GPR183: variants seen among roughly 807,000 people sequenced by gnomAD.
The protein encoded by GPR183 is G protein-coupled receptor 183, also known as EBV-induced G-protein coupled receptor 2.
In GPR183, 9 loss-of-function variants were observed where a neutral mutation model predicts 19.7. The ratio of observed to expected loss-of-function variants is 0.46; its 90% CI spans 0.28 to 0.80. The LOEUF (loss-of-function observed/expected upper bound fraction) is 0.80. GPR183 is among the 30% of genes least tolerant of loss of function. GPR183 has a pLI of 0.13. For missense variants in GPR183, 368 were observed against 446.7 expected (o/e 0.82, Z 1.59); for synonymous variants, 160 against 155.1 (o/e 1.03, Z -0.24).
chr13:99,299,821 G>A (rs1377257386), intron 1 of GPR183, among the ~76,000 whole-genome samples: 2 of 152,042 alleles, frequency 1.3e-5, no homozygotes, highest in Non-Finnish European at 2.9e-5. Context: ...TATCTACTTC[G>A]CAGGTGATAA....
intron 1 of GPR183, among the ~76,000 whole-genome samples, chr13:99,298,399 A>C (rs753730427): frequency 7.2e-5 from 11 of 152,208 alleles, no homozygotes; most frequent in Non-Finnish European, 8.8e-5. Context: ...TAAGGAACTC[A>C]TGGGTTAAAG....
chr13:99,307,004 C>T (rs1356332098), intron 1 of GPR183, among the ~76,000 whole-genome samples: 1 of 152,102 alleles, frequency 6.6e-6, no homozygotes, highest in African/African-American at 2.4e-5. Context: ...TTCCTTCATA[C>T]TAAGTTATCC....
chr13:99,294,912 A>G lies in GPR183; in HGVS notation c.*148T>C. 1.3e-6 allele frequency: 1 copy of G among 753,342 alleles called. No homozygotes were observed. The highest frequency in any genetic ancestry group is 2.0e-5 in the South Asian group (1 of 50,780). 46.7% of individuals were successfully genotyped at this position (753,342 alleles called of 1,614,324 possible). A position where few individuals can be genotyped will look rare whatever the true frequency, so the allele number is the denominator to read the frequency against. Reference sequence around the variant, plus strand: ...TGCTTTATGTTGTTCTCTTGGGCTTACTTCCGAGTTGGAGATGGGAAAGTG... The same window carrying G: ...TGCTTTATGTTGTTCTCTTGGGCTTGCTTCCGAGTTGGAGATGGGAAAGTG... On this transcript the variant is annotated 3_prime_UTR_variant, in exon 2 of 2. Coordinates refer to ENST00000376414, the MANE Select transcript of GPR183 (RefSeq NM_004951.5).
chr13:99,305,886 C>CATTTATTT lies in GPR183; in HGVS notation c.-19+1446_-19+1453dup, dbSNP rs10633287. On this transcript the variant is annotated intron_variant, in intron 1 of 1. Transcript: ENST00000376414. ...GTGTGATCATCCATAGACTCAGGGC[C>CATTTATTT]ATTTATTTATTTATTTATTTATCTA... Among the ~76,000 whole-genome samples, 1,104 of 151,624 alleles carry CATTTATTT rather than the reference C, an allele frequency of 7.3e-3. 18 individuals carry two copies. Among genetic ancestry groups the CATTTATTT allele is most frequent in the African/African-American group, 0.025 (1,033 of 41,280 alleles).
rs1378287357 is a variant in GPR183, at chr13:99,295,118, G to T, written c.1028C>A (p.Ser343Ter). The part of the protein sequence containing the change: ...SAVKSAPEEN[S>*]REMTETQMMI... Reference sequence around the variant, plus strand: ...CATCTGCGTTTCTGTCATTTCACGTGAATTTTCTTCAGGGGCTGACTTCAC... The same window carrying T: ...CATCTGCGTTTCTGTCATTTCACGTTAATTTTCTTCAGGGGCTGACTTCAC... Residue 343 changes from serine (S) to a stop codon, truncating the protein, a stop_gained, in exon 2 of 2, where the codon TCA becomes TAA. Transcript: ENST00000376414. LOFTEE classifies it high-confidence loss of function. The surrounding 1 kb of genome is among the most constrained non-coding windows in gnomAD (Gnocchi z 4.1). 1 of 1,614,054 alleles carries T rather than the reference G, an allele frequency of 6.2e-7. No individual in the cohort carries two copies. The highest frequency in any genetic ancestry group is 1.7e-5 in the Admixed American group (1 of 60,010).
chr13:99,296,880 C>CT (rs1362591814), intron 1 of GPR183, among the ~76,000 whole-genome samples: 3 of 152,180 alleles, frequency 2.0e-5, no homozygotes, highest in African/African-American at 4.8e-5. Context: ...TTTTAAAACT[C>CT]TATCAATCTG....
chr13:99,305,637 C>T (rs1001590367), intron 1 of GPR183, among the ~76,000 whole-genome samples: 1 of 152,158 alleles, frequency 6.6e-6, no homozygotes, highest in Non-Finnish European at 1.5e-5. Flanking sequence ...ATTCCATTAA[C>T]TGACTGGTCA....
intron 1 of GPR183, among the ~76,000 whole-genome samples, chr13:99,303,777 A>C (rs568226850): frequency 6.6e-6 from 1 of 152,202 alleles, no homozygotes; most frequent in African/African-American, 2.4e-5. Flanking sequence ...GATGGAAATT[A>C]GGGAGGAACA....
Position 99,294,970 on chromosome 13 carries a change from G to T in GPR183, c.*90C>A. ...AAAGAAATATAAAAGAATACTAATTGGAAGCTGAACAATTATTTTGCTTTA... is the reference window on the plus strand; with the variant it reads ...AAAGAAATATAAAAGAATACTAATTTGAAGCTGAACAATTATTTTGCTTTA... On this transcript the variant is annotated 3_prime_UTR_variant, in exon 2 of 2. Transcript: ENST00000376414. The T allele has an allele frequency of 7.1e-7, 1 of 1,402,918 alleles. No homozygotes were observed. Among genetic ancestry groups the T allele is most frequent in the Non-Finnish European group, 9.7e-7 (1 of 1,034,444 alleles). The allele number at this position is 1,402,918 out of a possible 1,614,324, so 86.9% of individuals were successfully genotyped here. A position where few individuals can be genotyped will look rare whatever the true frequency, so the allele number is the denominator to read the frequency against.
intron 1 of GPR183, among the ~76,000 whole-genome samples, chr13:99,303,326 C>T (rs186565167): frequency 4.6e-5 from 7 of 152,364 alleles, no homozygotes; most frequent in East Asian, 3.9e-4. Flanking sequence ...TTCATAGACG[C>T]GCTCCTTGGA....
chr13:99,305,987 C>A (rs550402698), intron 1 of GPR183, among the ~76,000 whole-genome samples: 205 of 152,198 alleles, frequency 1.3e-3, no homozygotes, highest in African/African-American at 4.2e-3. Flanking sequence ...CCTCCGCCTC[C>A]CAGGTTCAAG....
At chr13:99,300,038 G>A (rs2044235545) in intron 1 of GPR183, among the ~76,000 whole-genome samples, 1 of 152,184 alleles carries the variant, frequency 6.6e-6, no homozygotes. Context: ...AGTGGTCTAG[G>A]CTCTAAGGGC....
At position 99,295,553 on chromosome 13, in the gene GPR183, A is replaced by G; in HGVS notation, c.593T>C (p.Leu198Pro). ...EETKSLPWIL[L>P]GACFIGYVLP... ...TACATATCCTATGAAACATGCCCCA[A>G]GCAGAATCCAGGGAAGAGATTTAGT... Residue 198 changes from leucine to proline, a missense_variant, in exon 2 of 2, where the codon CTT becomes CCT. Physicochemically the swap from Leu to Pro is moderately conservative, Grantham distance 98 (BLOSUM62 -3). Coordinates refer to ENST00000376414, the MANE Select transcript of GPR183 (RefSeq NM_004951.5). The surrounding 1 kb of genome is among the most constrained non-coding windows in gnomAD (Gnocchi z 4.1). The G allele has an allele frequency of 2.5e-6, 4 of 1,614,000 alleles. No individual in the cohort carries two copies. The highest frequency in any genetic ancestry group is 2.5e-6 in the Non-Finnish European group (3 of 1,180,022).
Position 99,307,352 on chromosome 13 carries a change from C to T in GPR183, c.-31G>A, listed in dbSNP as rs1291263498. Reference sequence around the variant, plus strand: ...ATCTTGTACTTACATATCAGTGACTCGTTCGGGTCTCTGTGTAGTAGCTGT... The same window carrying T: ...ATCTTGTACTTACATATCAGTGACTTGTTCGGGTCTCTGTGTAGTAGCTGT... On this transcript the variant is annotated 5_prime_UTR_variant, in exon 1 of 2. Coordinates refer to ENST00000376414, the MANE Select transcript of GPR183 (RefSeq NM_004951.5). 6 of 152,084 alleles carry T rather than the reference C, an allele frequency of 3.9e-5. No individual in the cohort carries two copies. Among genetic ancestry groups the T allele is most frequent in the African/African-American group, 7.2e-5 (3 of 41,396 alleles). 9.4% of individuals were successfully genotyped at this position (152,084 alleles called of 1,614,324 possible). A position where few individuals can be genotyped will look rare whatever the true frequency, so the allele number is the denominator to read the frequency against.
At chr13:99,303,564 G>A (rs1192219688) in intron 1 of GPR183, among the ~76,000 whole-genome samples, 5 of 152,210 alleles carry the variant, frequency 3.3e-5, no homozygotes, top group Non-Finnish European at 7.3e-5. Context: ...TCATTTTAGT[G>A]TAAGAAAGAT....
intron 1 of GPR183, among the ~76,000 whole-genome samples, chr13:99,298,321 G>A (rs1315760810): frequency 6.6e-6 from 1 of 152,106 alleles, no homozygotes; most frequent in Non-Finnish European, 1.5e-5. Context: ...CTTGACTACA[G>A]TGCAGCTAAA....
intron 1 of GPR183, among the ~76,000 whole-genome samples, chr13:99,304,602 C>A (rs2044304231): frequency 6.6e-6 from 1 of 152,156 alleles, no homozygotes; most frequent in African/African-American, 2.4e-5. Context: ...CCCAGTAAGC[C>A]CTTGATGAAT....
chr13:99,300,676 C>T (rs192347850), intron 1 of GPR183, among the ~76,000 whole-genome samples: 41 of 152,260 alleles, frequency 2.7e-4, no homozygotes, highest in African/African-American at 7.0e-4. Context: ...GCTGGGAATA[C>T]AGAGATGGTA....
At chr13:99,301,542 A>G (rs1202407732) in intron 1 of GPR183, among the ~76,000 whole-genome samples, 1 of 152,120 alleles carries the variant, frequency 6.6e-6, no homozygotes, top group Non-Finnish European at 1.5e-5. Flanking sequence ...AATGTATTTC[A>G]TTGCTAATAG....
Sources: allele counts gnomAD v4.1 joint callset (sites outside exome capture counted in the v4.1 genomes callset), GRCh38; gene constraint gnomAD v4.1.1; non-coding constraint Gnocchi (gnomAD v3.1); transcripts MANE v1.5; gene names NCBI Gene and HGNC (gene_info 2026-07-23, HGNC 2026-07-21).